The following C17orf67 variants were observed in gnomAD, a reference collection of about 807,000 sequenced individuals.
The protein encoded by C17orf67 is chromosome 17 open reading frame 67, also known as uncharacterized protein C17orf67.
C17orf67 carries 12 observed loss-of-function variants against 11.2 expected under a neutral mutation model. That is an observed-to-expected ratio of 1.07 (90% CI 0.68 to 1.73). The LOEUF is 1.73. Among genes scored for constraint, C17orf67 ranks in the 40% most tolerant of loss-of-function variants. The pLI, the probability that C17orf67 is intolerant of heterozygous loss-of-function variation, is 0.00. For synonymous variants in C17orf67, 59 were observed against 46.9 expected (o/e 1.26, Z -1.05); for missense variants, 115 against 113.5 (o/e 1.01, Z -0.06).
chr17:56,825,713 T>C (rs1906008548), intron 2 of C17orf67, among the ~76,000 whole-genome samples: 1 of 152,188 alleles, frequency 6.6e-6, no homozygotes, highest in African/African-American at 2.4e-5. Context: ...TAGGACTTTT[T>C]AATAACATAT....
intron 2 of C17orf67, among the ~76,000 whole-genome samples, chr17:56,830,065 CG>C (rs1248495363): frequency 6.6e-6 from 1 of 152,016 alleles, no homozygotes; most frequent in African/African-American, 2.4e-5. Flanking sequence ...AAAATTTGGC[CG>C]GGCGTGGTGG....
chr17:56,816,503 T>C (rs1905765041), intron 4 of C17orf67, among the ~76,000 whole-genome samples: 1 of 152,350 alleles, frequency 6.6e-6, no homozygotes, highest in African/African-American at 2.4e-5. Flanking sequence ...CAGCTAGTAC[T>C]ATTCATCGTC....
At chr17:56,828,118 A>AT (rs1337160225) in intron 2 of C17orf67, among the ~76,000 whole-genome samples, 4 of 151,368 alleles carry the variant, frequency 2.6e-5, no homozygotes, top group African/African-American at 9.7e-5. Flanking sequence ...AAAAAAAAAA[A>AT]AAAAAAGCCA....
At chr17:56,832,856 G>A (rs1814336861) in intron 2 of C17orf67, 42 bp downstream of exon 2, 1 of 152,114 alleles carries the variant, frequency 6.6e-6, no homozygotes, top group African/African-American at 2.4e-5. Context: ...ACATACACAT[G>A]CATATATATG....
intron 6 of C17orf67, among the ~76,000 whole-genome samples, chr17:56,796,104 G>C (rs757201286): frequency 2.0e-5 from 3 of 152,126 alleles, no homozygotes; most frequent in South Asian, 2.1e-4. Flanking sequence ...AAATAGAGAA[G>C]CATTTTGTAA....
At chr17:56,794,979 G>T in intron 7 of C17orf67, 65 bp downstream of exon 7, 2 of 1,198,448 alleles carry the variant, frequency 1.7e-6, no homozygotes, top group Middle Eastern at 2.1e-4. Context: ...AAGTCTCCCA[G>T]CCCATGCCAT....
chr17:56,799,860 T>C (rs1905278126), intron 6 of C17orf67, among the ~76,000 whole-genome samples: 1 of 152,194 alleles, frequency 6.6e-6, no homozygotes, highest in Non-Finnish European at 1.5e-5. Context: ...CTGTATATCT[T>C]CTTCAGTAGA....
intron 2 of C17orf67, among the ~76,000 whole-genome samples, chr17:56,831,593 G>T (rs1221307945): frequency 6.6e-6 from 1 of 152,142 alleles, no homozygotes; most frequent in African/African-American, 2.4e-5. Flanking sequence ...CAGATTCCAA[G>T]GGGTGAATGA....
At chr17:56,800,954 C>T (rs918315012) in intron 6 of C17orf67, among the ~76,000 whole-genome samples, 1 of 152,180 alleles carries the variant, frequency 6.6e-6, no homozygotes, top group Non-Finnish European at 1.5e-5. Flanking sequence ...GAGGCTAAGG[C>T]GAGAGAATTA....
At chr17:56,805,969 T>TC (rs1293007670) in intron 6 of C17orf67, among the ~76,000 whole-genome samples, 2 of 112,808 alleles carry the variant, frequency 1.8e-5, no homozygotes, top group African/African-American at 3.4e-5. Flanking sequence ...CAGTTGATTT[T>TC]CCTTTTTTTT....
chr17:56,829,939 T>G (rs1010847714), intron 2 of C17orf67, among the ~76,000 whole-genome samples: 1 of 152,338 alleles, frequency 6.6e-6, no homozygotes, highest in Non-Finnish European at 1.5e-5. Flanking sequence ...GAAAACAGAT[T>G]TCATTTATCA....
intron 6 of C17orf67, among the ~76,000 whole-genome samples, chr17:56,812,004 C>T (rs558011639): frequency 6.6e-6 from 1 of 152,218 alleles, no homozygotes; most frequent in African/African-American, 2.4e-5. Flanking sequence ...CCCAGGCCAC[C>T]CCTCTGGGAG....
Position 56,805,971 on chromosome 17 carries a change from CTTTTTTTTT to C in C17orf67, c.156+8889_156+8897del, listed in dbSNP as rs10684052. ...AGGGACAGGACTACAGTTGATTTTC[CTTTTTTTTT>C]TTTTTTTTTTTTGAGACAGAGTCTC... is the stretch of plus-strand genomic sequence containing the variant. On this transcript the variant is annotated intron_variant, in intron 6 of 7. Transcript: ENST00000397861. Among the ~76,000 whole-genome samples, 5 of 98,024 alleles carry C rather than the reference CTTTTTTTTT, an allele frequency of 5.1e-5. No individual in the cohort carries two copies. The East Asian group carries it at 1.3e-3, about 26-fold the overall frequency. The allele number at this position is 98,024 out of a possible 152,430, so 64.3% of individuals were successfully genotyped here.
intron 4 of C17orf67, among the ~76,000 whole-genome samples, chr17:56,823,519 G>C (rs1197235453): frequency 6.6e-6 from 1 of 152,118 alleles, no homozygotes; most frequent in Non-Finnish European, 1.5e-5. Flanking sequence ...ACAAGATGCT[G>C]TAAAAAAGGA....
In C17orf67 at chr17:56,815,059, C is replaced by T. The variant is rs962976309; in HGVS notation, c.56-90G>A. On this transcript the variant is annotated intron_variant, in intron 5 of 7. Coordinates refer to ENST00000397861, the MANE Select transcript of C17orf67 (RefSeq NM_001085430.4). ...GTCCAAGGCAAAAGATTTGCAAGTT[C>T]AATTTTGGTTAAAACATGAAAGTTC... 42 of 1,126,994 alleles carry T rather than the reference C, an allele frequency of 3.7e-5. No homozygotes were observed. In the African/African-American group the frequency reaches 5.2e-4, roughly 14 times the overall value. 69.8% of individuals were successfully genotyped at this position (1,126,994 alleles called of 1,614,324 possible).
At chr17:56,826,801 C>T (rs1372836931) in intron 2 of C17orf67, among the ~76,000 whole-genome samples, 2 of 152,236 alleles carry the variant, frequency 1.3e-5, no homozygotes, top group Non-Finnish European at 2.9e-5. Context: ...CCACCATTGG[C>T]TGTGTGACAT....
In C17orf67 at chr17:56,833,735, C is replaced by G. The variant is rs1271808983; in HGVS notation, c.-1119G>C. 1.3e-5 allele frequency: 2 copies of G among 151,856 alleles called. No homozygotes were observed. The highest frequency in any genetic ancestry group is 4.8e-5 in the African/African-American group (2 of 41,380). The allele number at this position is 151,856 out of a possible 1,614,324, so 9.4% of individuals were successfully genotyped here. Reference sequence around the variant, plus strand: ...GCCGGCATCGGCTAGAGGTTCGGCTCAAGTCGGGGGCACTCGTGTCTGCGC... The same window carrying G: ...GCCGGCATCGGCTAGAGGTTCGGCTGAAGTCGGGGGCACTCGTGTCTGCGC... On this transcript the variant is annotated 5_prime_UTR_variant, in exon 1 of 8. Coordinates refer to ENST00000397861, the MANE Select transcript of C17orf67 (RefSeq NM_001085430.4).
chr17:56,802,210 G>C (rs973877811), intron 6 of C17orf67, among the ~76,000 whole-genome samples: 2 of 152,162 alleles, frequency 1.3e-5, no homozygotes, highest in African/African-American at 4.8e-5. Flanking sequence ...CCCTTGGCCT[G>C]TGGCTTCTGG....
At chr17:56,829,779 G>A (rs1261476712) in intron 2 of C17orf67, among the ~76,000 whole-genome samples, 1 of 152,204 alleles carries the variant, frequency 6.6e-6, no homozygotes, top group East Asian at 1.9e-4. Context: ...AGCAGCAAAA[G>A]AAATGCCATA....
Sources: allele counts gnomAD v4.1 joint callset (sites outside exome capture counted in the v4.1 genomes callset), GRCh38; gene constraint gnomAD v4.1.1; transcripts MANE v1.5; gene names NCBI Gene and HGNC (gene_info 2026-07-23, HGNC 2026-07-21).